METTL8: variants seen among roughly 807,000 people sequenced by gnomAD.
METTL8 encodes the protein methyltransferase 8, tRNA N3-cytidine.
In METTL8, 32 loss-of-function variants were observed where a neutral mutation model predicts 48.7. That is an observed-to-expected ratio of 0.66 (90% CI 0.50 to 0.88). METTL8 has a LOEUF of 0.88. Among genes scored for constraint, METTL8 ranks in the 40% least tolerant of loss-of-function variants. The probability of loss-of-function intolerance (pLI) is 0.00; values close to 1 mark genes in which losing one functional copy is unlikely to be tolerated. For missense variants in METTL8, 464 were observed against 474.4 expected, an observed-to-expected ratio of 0.98 and a Z score of 0.20; for synonymous variants, 136 against 157.1, an observed-to-expected ratio of 0.87 and a Z score of 1.01.
chr2:171,356,416 G>A (rs904262057), intron 3 of METTL8, among the ~76,000 whole-genome samples: 1 of 152,186 alleles, frequency 6.6e-6, no homozygotes, highest in Non-Finnish European at 1.5e-5. Context: ...TGGGATTATA[G>A]GCTTGAGCCA....
chr2:171,391,367 T>C (rs1340998454), intron 2 of METTL8, among the ~76,000 whole-genome samples: 1 of 152,246 alleles, frequency 6.6e-6, no homozygotes, highest in Non-Finnish European at 1.5e-5. Flanking sequence ...TTTACTGCAG[T>C]GGTCTCAACC....
At chr2:171,333,917 A>G (rs78427886) in intron 5 of METTL8, among the ~76,000 whole-genome samples, 3,253 of 152,272 alleles carry the variant, frequency 0.021, 109 homozygotes, top group African/African-American at 0.074. Flanking sequence ...ATGGATTCTT[A>G]TAGCTAAAGT....
chr2:171,362,564 T>TAAAA (rs1559112366), intron 2 of METTL8, among the ~76,000 whole-genome samples: 1 of 84,566 alleles, frequency 1.2e-5, no homozygotes, highest in Non-Finnish European at 2.7e-5. Context: ...CTTAAAAAAA[T>TAAAA]AAAAATAAAT....
At position 171,331,835 on chromosome 2, in the gene METTL8, T is replaced by A; in HGVS notation, c.689A>T (p.Asp230Val). ...NSPESFLYCC[D>V]FASGAVELVK... The stretch of plus-strand genomic sequence containing the variant: ...GAGCTCCACAGCTCCAGAAGCAAAA[T>A]CACAACAATACAGAAAGGACTCCGG... Residue 230 changes from aspartate (D) to valine (V), a missense_variant, in exon 6 of 10, where the codon GAT (aspartate) becomes GTT (valine). Asp to Val is a radical substitution (Grantham distance 152, BLOSUM62 -3). Coordinates refer to ENST00000375258, the MANE Select transcript of METTL8 (RefSeq NM_001321154.2). 6.2e-7 allele frequency: 1 copy of A among 1,604,420 alleles called. No individual in the cohort carries two copies. The highest frequency in any genetic ancestry group is 1.1e-5 in the South Asian group (1 of 88,818).
intron 2 of METTL8, among the ~76,000 whole-genome samples, chr2:171,369,062 T>C (rs1686021576): frequency 7.1e-6 from 1 of 140,578 alleles, no homozygotes; most frequent in Admixed American, 6.9e-5. Flanking sequence ...TCCCAGCACT[T>C]TGGGAGGCCA....
At chr2:171,399,409 C>T (rs2105587788) in intron 1 of METTL8, among the ~76,000 whole-genome samples, 1 of 152,238 alleles carries the variant, frequency 6.6e-6, no homozygotes, top group East Asian at 1.9e-4. Flanking sequence ...AGGAAAAGAA[C>T]AAATGTATAA....
At chr2:171,380,607 G>A (rs57265019) in intron 2 of METTL8, among the ~76,000 whole-genome samples, 1 of 152,062 alleles carries the variant, frequency 6.6e-6, no homozygotes, top group African/African-American at 2.4e-5. Flanking sequence ...ACCAACAATA[G>A]ACGAGCAGAG....
intron 1 of METTL8, among the ~76,000 whole-genome samples, chr2:171,426,148 C>T (rs1259505797): frequency 1.3e-5 from 2 of 152,014 alleles, no homozygotes. Context: ...TAGAGTAAGA[C>T]TCCATTTCAA....
intron 2 of METTL8, among the ~76,000 whole-genome samples, chr2:171,388,302 A>G (rs2105552721): frequency 6.6e-6 from 1 of 152,302 alleles, no homozygotes; most frequent in South Asian, 2.1e-4. Flanking sequence ...TTAATACACT[A>G]AATATAATGT....
Position 171,417,307 on chromosome 2 carries a change from C to T in METTL8, c.-13+16576G>A, listed in dbSNP as rs113275737. ...AAAACAAAGTATTATGGATACTGTTCTGTTGGAGTGCCAAGCTAAAAATCA... is the reference window on the plus strand; with the variant it reads ...AAAACAAAGTATTATGGATACTGTTTTGTTGGAGTGCCAAGCTAAAAATCA... On this transcript the variant is annotated intron_variant, in intron 1 of 9. Coordinates refer to ENST00000375258, the MANE Select transcript of METTL8 (RefSeq NM_001321154.2). 3.3e-3 allele frequency among the ~76,000 whole-genome samples: 506 copies of T among 152,294 alleles called. 1 individual carries two copies. Among genetic ancestry groups the T allele is most frequent in the African/African-American group, 0.011 (464 of 41,558 alleles).
rs536585534 is a variant in METTL8, at chr2:171,397,066, C to T, written c.-12-4869G>A. Among the ~76,000 whole-genome samples the T allele has an allele frequency of 6.6e-5, 10 of 151,628 alleles. No individual in the cohort carries two copies. The South Asian group carries it at 2.1e-3, about 32-fold the overall frequency. ...TGAACTCCTAGGCTCAAGGGATCCT[C>T]CCACCTCAGCCTCCCAAAGTGCTGG... On this transcript the variant is annotated intron_variant, in intron 1 of 9. Coordinates refer to ENST00000375258, the MANE Select transcript of METTL8 (RefSeq NM_001321154.2).
In METTL8 at chr2:171,318,441, T is replaced by G. The variant is rs955274503; in HGVS notation, c.*5731A>C. 1.3e-5 allele frequency: 2 copies of G among 152,056 alleles called. No individual in the cohort carries two copies. Among genetic ancestry groups the G allele is most frequent in the African/African-American group, 4.8e-5 (2 of 41,396 alleles). The allele number at this position is 152,056 out of a possible 1,614,324, so 9.4% of individuals were successfully genotyped here. On this transcript the variant is annotated 3_prime_UTR_variant, in exon 10 of 10. Coordinates refer to ENST00000375258, the MANE Select transcript of METTL8 (RefSeq NM_001321154.2). ...AATCCTTTTGAAGACATTTTAAGGG[T>G]TTTTTTTCCCCACTGCAGTACAGAA...
chr2:171,391,235 C>G (rs919221144), intron 2 of METTL8, among the ~76,000 whole-genome samples: 7 of 152,196 alleles, frequency 4.6e-5, no homozygotes, highest in African/African-American at 1.7e-4. Flanking sequence ...TAGGTTTGTA[C>G]ACTGTTTTCT....
At chr2:171,433,570 G>T (rs1486405699) in intron 1 of METTL8, among the ~76,000 whole-genome samples, 1 of 152,150 alleles carries the variant, frequency 6.6e-6, no homozygotes, top group African/African-American at 2.4e-5. Context: ...AGTTAACAAA[G>T]TATATCTTTT....
intron 1 of METTL8, among the ~76,000 whole-genome samples, chr2:171,411,132 A>G (rs1690709131): frequency 1.3e-5 from 2 of 152,236 alleles, no homozygotes; most frequent in Admixed American, 6.5e-5. Flanking sequence ...AACTGTACAG[A>G]GGGACATGGA....
intron 1 of METTL8, among the ~76,000 whole-genome samples, chr2:171,423,525 A>G (rs1267485642): frequency 2.6e-5 from 4 of 152,174 alleles, no homozygotes; most frequent in Admixed American, 1.3e-4. Flanking sequence ...ATTGATAGTG[A>G]TATGGACAAT....
intron 3 of METTL8, among the ~76,000 whole-genome samples, chr2:171,354,200 T>C (rs1358510688): frequency 6.6e-6 from 1 of 152,232 alleles, no homozygotes; most frequent in Non-Finnish European, 1.5e-5. Flanking sequence ...AAGGATTTTA[T>C]TTCTCCTTCA....
At chr2:171,339,619 CTT>C in intron 3 of METTL8, 65 bp from the exon 4 acceptor site, 2 of 853,326 alleles carry the variant, frequency 2.3e-6, no homozygotes, top group Non-Finnish European at 3.5e-6. Context: ...TAGCTACTGT[CTT>C]GATAATTGTT....
intron 2 of METTL8, among the ~76,000 whole-genome samples, chr2:171,367,267 A>T (rs1685825028): frequency 1.3e-5 from 2 of 152,154 alleles, no homozygotes; most frequent in Admixed American, 6.5e-5. Context: ...AGATAAAGAT[A>T]AATTTGAAAA....
Sources: allele counts gnomAD v4.1 joint callset (sites outside exome capture counted in the v4.1 genomes callset), GRCh38; gene constraint gnomAD v4.1.1; transcripts MANE v1.5; gene names NCBI Gene and HGNC (gene_info 2026-07-23, HGNC 2026-07-21).